The following ADCY4 variants were observed in gnomAD, a reference collection of about 807,000 sequenced individuals.
ADCY4 encodes adenylate cyclase 4.
In ADCY4, 111 loss-of-function variants were observed where a neutral mutation model predicts 125.5. The ratio of observed to expected loss-of-function variants is 0.88; its 90% CI spans 0.76 to 1.04. The LOEUF (loss-of-function observed/expected upper bound fraction) is 1.04, where lower values mean the gene tolerates loss of function less well. Among genes scored for constraint, ADCY4 ranks in the 50% least tolerant of loss-of-function variants. The probability of loss-of-function intolerance (pLI) is 0.00; values close to 1 mark genes in which losing one functional copy is unlikely to be tolerated. For synonymous variants in ADCY4, 576 were observed against 586.9 expected (o/e 0.98, Z 0.27); for missense variants, 1,256 against 1,382.9 (o/e 0.91, Z 1.46).
chr14:24,333,064 C>T, intron 1 of ADCY4, 76 bp from the exon 2 acceptor site: 1 of 1,390,532 alleles, frequency 7.2e-7, no homozygotes, highest in East Asian at 2.4e-5. Context: ...GCCAGCAGCC[C>T]AGCCCCTCAG....
intron 6 of ADCY4, 166 bp from the exon 7 acceptor site, chr14:24,330,461 T>G: frequency 3.4e-6 from 3 of 887,230 alleles, no homozygotes; most frequent in Non-Finnish European, 3.4e-6. Context: ...TGGGGCTAAC[T>G]GTCTTTCATA....
intron 14 of ADCY4, among the ~76,000 whole-genome samples, chr14:24,324,702 T>G (rs924114617): frequency 1.3e-5 from 2 of 152,026 alleles, no homozygotes; most frequent in East Asian, 1.9e-4. Context: ...TGGCTGAGTT[T>G]TTTTTTTTTC....
Position 24,331,076 on chromosome 14 carries a change from G to T in ADCY4, c.872C>A (p.Pro291His). 4 of 1,613,640 alleles carry T rather than the reference G, an allele frequency of 2.5e-6. No individual in the cohort carries two copies. The highest frequency in any genetic ancestry group is 3.4e-6 in the Non-Finnish European group (4 of 1,179,644). The change falls in exon 6 of 25, where the codon CCT (proline) becomes CAT (histidine). Residue 291 changes from proline (P) to histidine (H), a missense_variant. Coordinates refer to ENST00000418030, the MANE Select transcript of ADCY4 (RefSeq NM_001198568.2). The stretch of plus-strand genomic sequence containing the variant: ...ATTGAGCATGAGCACCAGCTCCTTA[G>T]GGGAACACTCGCTGGCCAGCCGCGT... ...GFTRLASECSPKELVLMLNEL... is the reference protein window; with the variant it reads ...GFTRLASECSHKELVLMLNEL...
chr14:24,330,279 C>T lies in ADCY4; in HGVS notation c.947G>A (p.Arg316Gln), dbSNP rs147496401. 73 of 1,614,010 alleles carry T rather than the reference C, an allele frequency of 4.5e-5. No individual in the cohort carries two copies. Among genetic ancestry groups the T allele is most frequent in the Admixed American group, 6.7e-5 (4 of 60,006 alleles). ...GTAACAGTCCCCCAGGATCTTGATCCGCATGCATTCATGCTCCTGGGAGTG... is the reference window on the plus strand; with the variant it reads ...GTAACAGTCCCCCAGGATCTTGATCTGCATGCATTCATGCTCCTGGGAGTG... ...DQIAKEHECM[R>Q]IKILGDCYYC... Residue 316 changes from arginine to glutamine, a missense_variant, in exon 7 of 25, where the codon CGG (arginine) becomes CAG (glutamine). Coordinates refer to ENST00000418030, the MANE Select transcript of ADCY4 (RefSeq NM_001198568.2).
Position 24,319,845 on chromosome 14 carries a change from G to T in ADCY4, c.2630C>A (p.Ala877Asp), listed in dbSNP as rs1357875061. ...QSYECVCVLF[A>D]SVPDFKEFYS... ...GAACTCCTTGAAGTCTGGGACTGAG[G>T]CGAAGAGGACACAAACGCATTCATA... Residue 877 changes from alanine to aspartate, a missense_variant, in exon 21 of 25, where the codon GCC becomes GAC. By Grantham distance (126) the Ala-to-Asp change is moderately radical (BLOSUM62 -2). Transcript: ENST00000418030. The surrounding 1 kb of genome is among the most constrained non-coding windows in gnomAD (Gnocchi z 4.5). The T allele has an allele frequency of 1.2e-6, 2 of 1,613,950 alleles. No individual in the cohort carries two copies. Among genetic ancestry groups the T allele is most frequent in the East Asian group, 4.5e-5 (2 of 44,896 alleles).
At position 24,334,632 on chromosome 14, in the gene ADCY4, G is replaced by T; in HGVS notation, c.21C>A (p.Pro7=). ...AGAGGTCTTCGCTGGGGGGCGGCCG[G>T]GGGCTGAAGAGGCGGGCCATGATCT... is the stretch of plus-strand genomic sequence containing the variant. MARLFS[P]RPPPSEDLFY... Residue 7 remains proline (P), a synonymous_variant, in exon 1 of 25, where the codon CCC becomes CCA. Coordinates refer to ENST00000418030, the MANE Select transcript of ADCY4 (RefSeq NM_001198568.2). 1 of 1,553,494 alleles carries T rather than the reference G, an allele frequency of 6.4e-7. No individual in the cohort carries two copies.
rs556836198 is a variant in ADCY4, at chr14:24,331,817, G to C, written c.640C>G (p.Arg214Gly). The change falls in exon 4 of 25, where the codon CGG becomes GGG. Residue 214 changes from arginine (R) to glycine (G), a missense_variant. By Grantham distance (125) the Arg-to-Gly change is moderately radical (BLOSUM62 -2). Transcript: ENST00000418030. ...REALSSLHSR[R>G]RLDTEKKHQE... ...TGCTTCTTCTCGGTGTCCAGCCGCC[G>C]GCGTGAGTGCAGGGAGCTGAGTGCC... The C allele has an allele frequency of 1.9e-6, 3 of 1,593,434 alleles. No homozygotes were observed. Among genetic ancestry groups the C allele is most frequent in the Non-Finnish European group, 1.7e-6 (2 of 1,165,638 alleles).
At chr14:24,332,351 C>T (rs2042054790) in intron 3 of ADCY4, 171 bp downstream of exon 3, 2 of 719,360 alleles carry the variant, frequency 2.8e-6, no homozygotes, top group African/African-American at 3.6e-5. Context: ...CTTCTGGTAA[C>T]AGCAGGCATT....
Position 24,331,941 on chromosome 14 carries a change from T to C in ADCY4, c.520-4A>G, listed in dbSNP as rs772613040. ...ACAGCACTGCGTTTGCTGCCAACTG[T>C]GGGTGAAGGCCAGCCTCAGAGGGCG... On this transcript the variant is annotated splice_polypyrimidine_tract_variant and splice_region_variant and intron_variant, in intron 3 of 24. Coordinates refer to ENST00000418030, the MANE Select transcript of ADCY4 (RefSeq NM_001198568.2). 6.4e-6 allele frequency: 10 copies of C among 1,552,864 alleles called. 1 individual carries two copies. The highest frequency in any genetic ancestry group is 3.5e-5 in the South Asian group (3 of 86,368).
Position 24,332,581 on chromosome 14 carries a change from G to T in ADCY4, c.460C>A (p.Leu154Met). 6.3e-7 allele frequency: 1 copy of T among 1,578,056 alleles called. No individual in the cohort carries two copies. The highest frequency in any genetic ancestry group is 8.6e-7 in the Non-Finnish European group (1 of 1,161,908). Residue 154 changes from leucine to methionine, a missense_variant, in exon 3 of 25, where the codon CTG becomes ATG. By Grantham distance (15) the Leu-to-Met change is conservative (BLOSUM62 2). Transcript: ENST00000418030. ...GGCCCAAGATACAGCCCGAGGACCA[G>T]CAGATGCGAGAGTGAGGAGGCGAGG... is the stretch of plus-strand genomic sequence containing the variant. The part of the protein sequence containing the change: ...AGLASSLSHL[L>M]VLGLYLGPQP...
intron 3 of ADCY4, 44 bp from the exon 4 acceptor site, chr14:24,331,981 TTGTCG>T: frequency 6.7e-7 from 1 of 1,482,618 alleles, no homozygotes; most frequent in Non-Finnish European, 9.0e-7. Context: ...ACCCGGGTGC[TTGTCG>T]TGTGTAGTTG....
In ADCY4 at chr14:24,323,104, G is replaced by A; in HGVS notation, c.2158-16C>T. The A allele has an allele frequency of 6.2e-7, 1 of 1,612,824 alleles. No individual in the cohort carries two copies. Among genetic ancestry groups the A allele is most frequent in the Non-Finnish European group, 8.5e-7 (1 of 1,179,188 alleles). Reference sequence around the variant, plus strand: ...GCATGGAGTACTGTGGGGCCAGGCAGGGGTCAGGAGTGGGCATGTCCCATA... The same window carrying A: ...GCATGGAGTACTGTGGGGCCAGGCAAGGGTCAGGAGTGGGCATGTCCCATA... On this transcript the variant is annotated splice_polypyrimidine_tract_variant and intron_variant, in intron 17 of 24. Coordinates refer to ENST00000418030, the MANE Select transcript of ADCY4 (RefSeq NM_001198568.2).
At chr14:24,326,571 T>TTGTG (rs71119070) in intron 10 of ADCY4, 14,716 of 277,518 alleles carry the variant, frequency 0.053, 408 homozygotes, top group African/African-American at 0.075. Flanking sequence ...CCCAGGATCT[T>TTGTG]TGTGTGTGTG....
rs1336882814 is a variant in ADCY4, at chr14:24,318,716, A to C, written c.3019T>G (p.Trp1007Gly). The stretch of plus-strand genomic sequence containing the variant: ...CTGGCCACGTTCACTGTGTTGCCCC[A>C]AATGTCATATTGCGGCTTCTGGGCC... Reference protein sequence around the residue: ...IGAQKPQYDIWGNTVNVASRM... With the variant: ...IGAQKPQYDIGGNTVNVASRM... The change falls in exon 24 of 25, where the codon TGG becomes GGG. Residue 1007 changes from tryptophan to glycine, a missense_variant. Coordinates refer to ENST00000418030, the MANE Select transcript of ADCY4 (RefSeq NM_001198568.2). 1 of 1,614,146 alleles carries C rather than the reference A, an allele frequency of 6.2e-7. No homozygotes were observed. Among genetic ancestry groups the C allele is most frequent in the Admixed American group, 1.7e-5 (1 of 60,022 alleles).
At chr14:24,326,604 TGTG>T in intron 10 of ADCY4, 1 of 436,660 alleles carries the variant, frequency 2.3e-6, no homozygotes, top group Non-Finnish European at 4.2e-6. Context: ...TGTGTGTGTG[TGTG>T]TGTGTGTGAC....
chr14:24,323,366 G>T lies in ADCY4; in HGVS notation c.2135C>A (p.Ser712Tyr). Residue 712 changes from serine (S) to tyrosine (Y), a missense_variant, in exon 17 of 25, where the codon TCT (serine) becomes TAT (tyrosine). Transcript: ENST00000418030. ...ISNLSWELPG[S>Y]LPLISVPYSM... The stretch of plus-strand genomic sequence containing the variant: ...CACTGGGACACTGATGAGAGGCAGA[G>T]ACCCAGGGAGCTCCCAGGAGAGGTT... The T allele has an allele frequency of 6.4e-7, 1 of 1,555,730 alleles. No homozygotes were observed. Among genetic ancestry groups the T allele is most frequent in the Non-Finnish European group, 8.7e-7 (1 of 1,148,582 alleles).
rs2042086485 is a variant in ADCY4, at chr14:24,333,689, G to A, written c.160-701C>T. On this transcript the variant is annotated intron_variant, in intron 1 of 24. Coordinates refer to ENST00000418030, the MANE Select transcript of ADCY4 (RefSeq NM_001198568.2). The stretch of plus-strand genomic sequence containing the variant: ...ATCCAAGCTCACAAGGAGGCACTTC[G>A]GAATGAATGTCTCCAAATCTGGCCA... Among the ~76,000 whole-genome samples the A allele has an allele frequency of 2.0e-5, 3 of 152,212 alleles. No individual in the cohort carries two copies. In the South Asian group the frequency reaches 6.2e-4, roughly 32 times the overall value.
In ADCY4 at chr14:24,319,982, C is replaced by A; in HGVS notation, c.2587-94G>T. The A allele has an allele frequency of 7.0e-7, 1 of 1,431,232 alleles. No homozygotes were observed. 88.7% of individuals were successfully genotyped at this position (1,431,232 alleles called of 1,614,324 possible). ...GGCCCTCCTCCCCATGTCCACACTCCTGGTCTCCCTGTTTAAGAAGAATTG... is the reference window on the plus strand; with the variant it reads ...GGCCCTCCTCCCCATGTCCACACTCATGGTCTCCCTGTTTAAGAAGAATTG... On this transcript the variant is annotated intron_variant, in intron 20 of 24. Transcript: ENST00000418030. This position sits in a 1 kb window ranked among gnomAD's most constrained non-coding sequence, Gnocchi z 4.5.
rs769350917 is a variant in ADCY4, at chr14:24,322,642, G to A, written c.2409C>T (p.Leu803=). The A allele has an allele frequency of 6.2e-7, 1 of 1,614,176 alleles. No homozygotes were observed. Among genetic ancestry groups the A allele is most frequent in the Non-Finnish European group, 8.5e-7 (1 of 1,180,028 alleles). ...GACTTACCTGGCGAGCCAGGACAAG[G>A]AGGGTGAAGAAGAAGATGAAGAAGG... ...AISFFIFFFT[L]LVLARQNEYY... The change falls in exon 19 of 25, where the codon CTC becomes CTT. Residue 803 remains leucine (L), a synonymous_variant. Coordinates refer to ENST00000418030, the MANE Select transcript of ADCY4 (RefSeq NM_001198568.2).
Sources: gnomAD v4.1 joint callset for allele counts (sites outside exome capture counted in the v4.1 genomes callset) on GRCh38, gnomAD v4.1.1 for gene constraint, Gnocchi (gnomAD v3.1) non-coding constraint, MANE v1.5 for transcripts, NCBI Gene and HGNC (gene_info 2026-07-23, HGNC 2026-07-21) for gene names.